ARHGAP6: variants seen among roughly 807,000 people sequenced by gnomAD.
The protein encoded by ARHGAP6 is Rho GTPase activating protein 6.
Under a neutral mutation model 55.7 loss-of-function variants are expected in ARHGAP6, and 16 were observed. That is an observed-to-expected ratio of 0.29 (90% confidence interval 0.19 to 0.44). ARHGAP6 has a LOEUF of 0.44. Among genes scored for constraint, ARHGAP6 ranks in the 20% least tolerant of loss-of-function variants. ARHGAP6 has a pLI of 1.00. For missense variants in ARHGAP6, 698 were observed against 808.9 expected, an observed-to-expected ratio of 0.86 and a Z score of 1.66; for synonymous variants, 382 against 360.9, an observed-to-expected ratio of 1.06 and a Z score of -0.66.
chrX:11,454,704 C>T (rs367952089), intron 1 of ARHGAP6, among the ~76,000 whole-genome samples: 7 of 112,056 alleles, frequency 6.2e-5, no homozygotes, highest in African/African-American at 1.9e-4. Flanking sequence ...CTTGAAAATC[C>T]GTAATTCCCA....
chrX:11,334,544 C>G (rs1201450190), intron 1 of ARHGAP6: 1 of 115,749 alleles, frequency 8.6e-6, no homozygotes, highest in Non-Finnish European at 1.8e-5. Context: ...ATGGTAGAGG[C>G]AATACAGGCC....
intron 1 of ARHGAP6, among the ~76,000 whole-genome samples, chrX:11,577,307 A>G (rs924983667): frequency 8.9e-6 from 1 of 112,211 alleles, no homozygotes; most frequent in Non-Finnish European, 1.9e-5. Context: ...TCAATAAAAC[A>G]TGAGTTCACA....
intron 1 of ARHGAP6, among the ~76,000 whole-genome samples, chrX:11,483,314 T>G (rs1324232427): frequency 5.3e-5 from 6 of 112,176 alleles, no homozygotes; most frequent in Non-Finnish European, 9.4e-5. Context: ...ACCACTCATG[T>G]TAACTCCGTC....
chrX:11,636,833 C>T (rs746893828), intron 1 of ARHGAP6, among the ~76,000 whole-genome samples: 5 of 111,720 alleles, frequency 4.5e-5, no homozygotes, highest in Admixed American at 9.5e-5. Flanking sequence ...GAATTCTTGT[C>T]ATCACAAGAG....
At chrX:11,139,627 C>T in intron 12 of ARHGAP6, 97 bp from the exon 13 acceptor site, 11 of 926,473 alleles carry the variant, frequency 1.2e-5, no homozygotes, top group South Asian at 8.9e-5. Flanking sequence ...TCTACGACGT[C>T]CCCCCGGACT....
At chrX:11,458,777 A>C (rs1036457277) in intron 1 of ARHGAP6, among the ~76,000 whole-genome samples, 4 of 111,723 alleles carry the variant, frequency 3.6e-5, no homozygotes, top group African/African-American at 6.5e-5. Flanking sequence ...AAACAGGCAG[A>C]GATTTCTGTC....
At chrX:11,654,823 T>C (rs1339254271) in intron 1 of ARHGAP6, among the ~76,000 whole-genome samples, 1 of 112,301 alleles carries the variant, frequency 8.9e-6, no homozygotes, top group Non-Finnish European at 1.9e-5. Flanking sequence ...TCTACATTTA[T>C]ATTTATGTTT....
In ARHGAP6 at chrX:11,138,049, T is replaced by C. The variant is rs1431304638; in HGVS notation, c.*814A>G. On this transcript the variant is annotated 3_prime_UTR_variant, in exon 13 of 13. Coordinates refer to ENST00000337414, the MANE Select transcript of ARHGAP6 (RefSeq NM_013427.3). ...ATAAAAATTATACATTATAAATATATATTATATATGGCCTATATAAAACTG... is the reference window on the plus strand; with the variant it reads ...ATAAAAATTATACATTATAAATATACATTATATATGGCCTATATAAAACTG... The C allele has an allele frequency of 1.8e-5, 2 of 111,980 alleles. No homozygotes were observed. Among genetic ancestry groups the C allele is most frequent in the African/African-American group, 6.5e-5 (2 of 30,839 alleles). 9.2% of individuals were successfully genotyped at this position (111,980 alleles called of 1,213,427 possible). A position where few individuals can be genotyped will look rare whatever the true frequency, so the allele number is the denominator to read the frequency against.
chrX:11,218,924 A>T (rs181066183), intron 2 of ARHGAP6, among the ~76,000 whole-genome samples: 1 of 107,986 alleles, frequency 9.3e-6, no homozygotes, highest in Non-Finnish European at 1.9e-5. Flanking sequence ...TTTAGGGTAC[A>T]TGTGCACATT....
intron 1 of ARHGAP6, among the ~76,000 whole-genome samples, chrX:11,496,403 A>G (rs1011726257): frequency 8.9e-6 from 1 of 111,884 alleles, no homozygotes; most frequent in African/African-American, 3.2e-5. Context: ...TGCTTATTAC[A>G]AAATTTATTA....
chrX:11,275,733 G>A lies in ARHGAP6; in HGVS notation c.589-21026C>T, dbSNP rs765533005. On this transcript the variant is annotated intron_variant, in intron 1 of 12. Transcript: ENST00000337414. ...CTGCTTAGCTCTTGGGCTTCACCAA[G>A]CCTCACTTACTTCACATCCCTTAAT... 3.5e-4 allele frequency among the ~76,000 whole-genome samples: 39 copies of A among 111,606 alleles called. No individual in the cohort carries two copies. In the East Asian group the frequency reaches 0.01, roughly 30 times the overall value.
intron 1 of ARHGAP6, among the ~76,000 whole-genome samples, chrX:11,437,138 G>A (rs138262782): frequency 0.01 from 1,155 of 111,530 alleles, 13 homozygotes; most frequent in Non-Finnish European, 0.018. Flanking sequence ...AACAAATCTA[G>A]ATGGAAGGCA....
Position 11,377,372 on chromosome X carries a change from G to T in ARHGAP6, c.589-122665C>A, listed in dbSNP as rs1418894587. 1.3e-4 allele frequency among the ~76,000 whole-genome samples: 15 copies of T among 112,493 alleles called. 1 individual carries two copies. Among genetic ancestry groups the T allele is most frequent in the Non-Finnish European group, 1.9e-5 (1 of 53,325 alleles). ...ATAGGCAAATCTATAGAGGCAGAAA[G>T]CAGATTAGTGTTTGCAAGGGCTGGT... On this transcript the variant is annotated intron_variant, in intron 1 of 12. Coordinates refer to ENST00000337414, the MANE Select transcript of ARHGAP6 (RefSeq NM_013427.3).
chrX:11,651,567 T>C (rs774127634), intron 1 of ARHGAP6, among the ~76,000 whole-genome samples: 1 of 112,277 alleles, frequency 8.9e-6, no homozygotes, highest in African/African-American at 3.2e-5. Flanking sequence ...TGATTCCATG[T>C]CTTTGCTATT....
intron 1 of ARHGAP6, chrX:11,265,648 G>A (rs1005742514): frequency 6.1e-5 from 50 of 814,046 alleles, no homozygotes; most frequent in Non-Finnish European, 7.4e-5. Context: ...ATTATTTTCT[G>A]AAAAAGTAGT....
chrX:11,158,479 T>A (rs1318644450), intron 9 of ARHGAP6, among the ~76,000 whole-genome samples: 1 of 112,551 alleles, frequency 8.9e-6, no homozygotes, highest in African/African-American at 3.2e-5. Flanking sequence ...TAAGCTAGTT[T>A]GAGTTTTGCA....
At position 11,195,500 on chromosome X, in the gene ARHGAP6, A is replaced by C. The variant is rs367639773; in HGVS notation, c.820+1425T>G. On this transcript the variant is annotated intron_variant, in intron 3 of 12. Transcript: ENST00000337414. ...CCTAAATATATGCACAAGGGGACAC[A>C]AAACAGTAAGATGAGAGTAAACAAT... Among the ~76,000 whole-genome samples, 21 of 111,691 alleles carry C rather than the reference A, an allele frequency of 1.9e-4. No homozygotes were observed. In the East Asian group the frequency reaches 2.5e-3, roughly 13 times the overall value.
chrX:11,178,802 C>A (rs1329948684), intron 7 of ARHGAP6, among the ~76,000 whole-genome samples: 2 of 111,974 alleles, frequency 1.8e-5, no homozygotes, highest in Non-Finnish European at 1.9e-5. Context: ...CCAGGTTTGG[C>A]CTATCTCTCC....
chrX:11,198,353 T>G (rs2147364551), intron 2 of ARHGAP6, among the ~76,000 whole-genome samples: 1 of 111,929 alleles, frequency 8.9e-6, no homozygotes. Context: ...CAGCCGTCAA[T>G]CTCTCCCATT....
Sources: gnomAD v4.1 joint callset for allele counts (sites outside exome capture counted in the v4.1 genomes callset) on GRCh38, gnomAD v4.1.1 for gene constraint, MANE v1.5 for transcripts, NCBI Gene and HGNC (gene_info 2026-07-23, HGNC 2026-07-21) for gene names.